RALYL: variants seen among roughly 807,000 people sequenced by gnomAD.
RALYL encodes RALY RNA binding protein like, also known as RNA-binding Raly-like protein.
RALYL carries 29 observed loss-of-function variants against 35.1 expected under a neutral mutation model. That is an observed-to-expected ratio of 0.83 (90% CI 0.61 to 1.13). The LOEUF is 1.13. Among genes scored for constraint, RALYL ranks in the 50% most tolerant of loss-of-function variants. The pLI is 0.00. For missense variants in RALYL, 359 were observed against 360.4 expected, an observed-to-expected ratio of 1.00 and a Z score of 0.03; for synonymous variants, 120 against 127.6, an observed-to-expected ratio of 0.94 and a Z score of 0.40.
intron 1 of RALYL, among the ~76,000 whole-genome samples, chr8:84,390,606 C>G (rs1860437990): frequency 6.6e-6 from 1 of 152,046 alleles, no homozygotes; most frequent in Admixed American, 6.6e-5. Context: ...TCCATTTCTT[C>G]TAGATTTTCT....
At chr8:84,200,285 T>C (rs894026915) in intron 1 of RALYL, among the ~76,000 whole-genome samples, 3 of 152,088 alleles carry the variant, frequency 2.0e-5, no homozygotes, top group African/African-American at 7.2e-5. Flanking sequence ...GAGACTGATA[T>C]AGGATAGCAG....
chr8:84,286,458 G>C (rs1045625400), intron 1 of RALYL, among the ~76,000 whole-genome samples: 2 of 152,180 alleles, frequency 1.3e-5, no homozygotes. Context: ...GGGTCCATTT[G>C]TCTGGTGCAG....
At chr8:84,379,752 TC>T (rs904514159) in intron 1 of RALYL, among the ~76,000 whole-genome samples, 17 of 151,394 alleles carry the variant, frequency 1.1e-4, no homozygotes, top group African/African-American at 3.4e-4. Flanking sequence ...AGAATAATCA[TC>T]TAGGCCAAAA....
At chr8:84,677,000 C>T (rs181728530) in intron 2 of RALYL, among the ~76,000 whole-genome samples, 58 of 152,174 alleles carry the variant, frequency 3.8e-4, no homozygotes, top group Middle Eastern at 3.4e-3. Flanking sequence ...CGGGGTTTCA[C>T]CATATTGGCC....
chr8:84,817,531 TTTATTATTA>T lies in RALYL; in HGVS notation c.365+12754_365+12762del, dbSNP rs59809592. 4.2e-4 allele frequency among the ~76,000 whole-genome samples: 62 copies of T among 147,482 alleles called. 2 individuals carry two copies. The South Asian group carries it at 7.5e-3, about 18-fold the overall frequency. On this transcript the variant is annotated intron_variant, in intron 4 of 8. Transcript: ENST00000521268. Reference sequence around the variant, plus strand: ...GCTCACTTAAGGTAGTAACTAATCTTTTATTATTATTATTATTATTATTATTATTATTAA... The same window carrying T: ...GCTCACTTAAGGTAGTAACTAATCTTTTATTATTATTATTATTATTATTAA...
In RALYL at chr8:84,201,935, A is replaced by G. The variant is rs996005040; in HGVS notation, c.-24+17511A>G. ...AATGATATGTATTACATTTAAGTAA[A>G]TTATATTATGTCATAGATTTCCTTT... On this transcript the variant is annotated intron_variant, in intron 1 of 8. Coordinates refer to ENST00000521268, the MANE Select transcript of RALYL (RefSeq NM_173848.7). Among the ~76,000 whole-genome samples, 4 of 152,236 alleles carry G rather than the reference A, an allele frequency of 2.6e-5. No individual in the cohort carries two copies. The South Asian group carries it at 8.3e-4, about 32-fold the overall frequency.
chr8:84,448,053 C>A (rs143874355), intron 1 of RALYL, among the ~76,000 whole-genome samples: 216 of 152,044 alleles, frequency 1.4e-3, no homozygotes, highest in African/African-American at 4.9e-3. Context: ...TTTACTAGAT[C>A]ATTTGTCATA....
At chr8:84,434,793 C>A (rs778737067) in intron 1 of RALYL, among the ~76,000 whole-genome samples, 1 of 152,062 alleles carries the variant, frequency 6.6e-6, no homozygotes, top group Non-Finnish European at 1.5e-5. Flanking sequence ...CACAGGTGCA[C>A]ACCACCATGT....
intron 2 of RALYL, among the ~76,000 whole-genome samples, chr8:84,656,417 GAA>G (rs1829968487): frequency 6.6e-6 from 1 of 152,124 alleles, no homozygotes; most frequent in African/African-American, 2.4e-5. Context: ...CATAAAGATG[GAA>G]ATATAGAGAG....
chr8:84,401,046 G>A (rs918576424), intron 1 of RALYL, among the ~76,000 whole-genome samples: 6 of 152,106 alleles, frequency 3.9e-5, no homozygotes, highest in African/African-American at 1.4e-4. Flanking sequence ...GAAGCTGTGT[G>A]TGGGATTTAT....
intron 2 of RALYL, among the ~76,000 whole-genome samples, chr8:84,541,797 A>G (rs570347935): frequency 2.2e-4 from 33 of 152,224 alleles, no homozygotes; most frequent in African/African-American, 5.5e-4. Context: ...TTCATATAGT[A>G]TGATATATCT....
At chr8:84,522,545 G>A (rs548448160) in intron 1 of RALYL, among the ~76,000 whole-genome samples, 128 of 152,160 alleles carry the variant, frequency 8.4e-4, no homozygotes, top group Non-Finnish European at 1.1e-3. Context: ...CACCGCGCCC[G>A]GCCTAGAAAG....
At chr8:84,832,452 C>A (rs1411533675) in intron 4 of RALYL, among the ~76,000 whole-genome samples, 1 of 151,944 alleles carries the variant, frequency 6.6e-6, no homozygotes, top group African/African-American at 2.4e-5. Flanking sequence ...GTAGATTTTT[C>A]TGAGGCAAGT....
intron 1 of RALYL, among the ~76,000 whole-genome samples, chr8:84,295,564 T>G (rs1839604750): frequency 6.6e-6 from 1 of 152,142 alleles, no homozygotes; most frequent in Non-Finnish European, 1.5e-5. Flanking sequence ...CCTCCCAAAG[T>G]GCTGAAATTA....
chr8:84,834,944 A>G (rs761195421), intron 4 of RALYL, among the ~76,000 whole-genome samples: 3 of 152,224 alleles, frequency 2.0e-5, no homozygotes, highest in African/African-American at 4.8e-5. Context: ...ACAGCCAAAT[A>G]CAATATAATA....
intron 2 of RALYL, among the ~76,000 whole-genome samples, chr8:84,727,808 C>CT (rs1354687995): frequency 6.6e-6 from 1 of 151,808 alleles, no homozygotes; most frequent in South Asian, 2.1e-4. Flanking sequence ...TGAACTCATC[C>CT]TTTTTTATGG....
intron 1 of RALYL, among the ~76,000 whole-genome samples, chr8:84,219,049 A>C (rs1459094775): frequency 6.6e-6 from 1 of 152,104 alleles, no homozygotes; most frequent in Non-Finnish European, 1.5e-5. Flanking sequence ...TGCAGAACTA[A>C]AACCTGAAGG....
chr8:84,664,937 G>T (rs1192620335), intron 2 of RALYL, among the ~76,000 whole-genome samples: 1 of 152,006 alleles, frequency 6.6e-6, no homozygotes, highest in Non-Finnish European at 1.5e-5. Flanking sequence ...GCTTTTGCCT[G>T]TTGAGCATGA....
intron 1 of RALYL, among the ~76,000 whole-genome samples, chr8:84,493,756 T>G (rs2055625137): frequency 6.6e-6 from 1 of 152,162 alleles, no homozygotes; most frequent in Non-Finnish European, 1.5e-5. Flanking sequence ...TGCCCACTTT[T>G]TTTTTCTTGT....
Sources: gnomAD v4.1 joint callset for allele counts (sites outside exome capture counted in the v4.1 genomes callset) on GRCh38, gnomAD v4.1.1 for gene constraint, MANE v1.5 for transcripts, NCBI Gene and HGNC (gene_info 2026-07-23, HGNC 2026-07-21) for gene names.